The following SGCZ variants were observed in gnomAD, a reference collection of about 807,000 sequenced individuals.
The protein encoded by SGCZ is zeta-sarcoglycan.
A neutral mutation model predicts 41.3 loss-of-function variants in SGCZ; 40 were observed. The ratio of observed to expected loss-of-function variants is 0.97; its 90% CI spans 0.75 to 1.26. The LOEUF is 1.26. Ranked by LOEUF, SGCZ falls within the 50% of genes most tolerant of loss-of-function variation. The pLI is 0.00. For missense variants in SGCZ, 552 were observed against 369.8 expected (o/e 1.49, Z -4.04); for synonymous variants, 206 against 137.5 (o/e 1.50, Z -3.49).
At chr8:14,594,029 G>C (rs916060243) in intron 1 of SGCZ, among the ~76,000 whole-genome samples, 2 of 151,886 alleles carry the variant, frequency 1.3e-5, no homozygotes, top group Non-Finnish European at 2.9e-5. Context: ...ACAAAAATTA[G>C]CCAGGCGTGG....
intron 1 of SGCZ, among the ~76,000 whole-genome samples, chr8:15,100,458 C>G (rs1806562666): frequency 6.6e-6 from 1 of 152,050 alleles, no homozygotes; most frequent in South Asian, 2.1e-4. Flanking sequence ...CAAAGAATAT[C>G]TAAATAAATA....
chr8:15,102,780 C>T (rs139258447), intron 1 of SGCZ, among the ~76,000 whole-genome samples: 108 of 152,208 alleles, frequency 7.1e-4, no homozygotes, highest in African/African-American at 2.6e-3. Flanking sequence ...TTAAAGTGAA[C>T]ATTATTTATA....
At chr8:14,153,992 G>A (rs1394119162) in intron 5 of SGCZ, among the ~76,000 whole-genome samples, 1 of 152,002 alleles carries the variant, frequency 6.6e-6, no homozygotes, top group Non-Finnish European at 1.5e-5. Context: ...CAAGGCAGCT[G>A]TCTGCAAGCT....
At chr8:14,622,086 T>C (rs546832949) in intron 1 of SGCZ, among the ~76,000 whole-genome samples, 5 of 152,150 alleles carry the variant, frequency 3.3e-5, no homozygotes, top group African/African-American at 1.2e-4. Context: ...TAAGTTTGTA[T>C]AGGTAGAAAA....
intron 1 of SGCZ, among the ~76,000 whole-genome samples, chr8:14,672,331 C>A (rs1585171037): frequency 6.6e-6 from 1 of 152,144 alleles, no homozygotes; most frequent in East Asian, 1.9e-4. Flanking sequence ...TAGCGGAAAA[C>A]CAGCTGTAAA....
intron 1 of SGCZ, among the ~76,000 whole-genome samples, chr8:14,674,048 G>A (rs1808194884): frequency 1.3e-5 from 2 of 151,986 alleles, no homozygotes; most frequent in Non-Finnish European, 2.9e-5. Flanking sequence ...GATGAAGTTC[G>A]ATGAATAAAT....
intron 1 of SGCZ, among the ~76,000 whole-genome samples, chr8:14,860,457 A>G: frequency 6.6e-6 from 1 of 150,888 alleles, no homozygotes; most frequent in East Asian, 2.0e-4. Context: ...AGAGAGAAGG[A>G]AAGAGAAGAG....
intron 2 of SGCZ, among the ~76,000 whole-genome samples, chr8:14,456,638 G>T (rs1800753154): frequency 6.6e-6 from 1 of 152,032 alleles, no homozygotes; most frequent in Non-Finnish European, 1.5e-5. Context: ...TGAAAAGAAA[G>T]GGAGAAATGA....
At chr8:15,017,480 A>G in intron 1 of SGCZ, among the ~76,000 whole-genome samples, 1 of 152,122 alleles carries the variant, frequency 6.6e-6, no homozygotes, top group East Asian at 1.9e-4. Context: ...ATTGCATACC[A>G]TAGGTCCAAA....
chr8:15,188,736 T>C (rs959301175), intron 1 of SGCZ, among the ~76,000 whole-genome samples: 1 of 152,194 alleles, frequency 6.6e-6, no homozygotes, highest in Non-Finnish European at 1.5e-5. Flanking sequence ...TAAATACACA[T>C]GCTGCAATTA....
chr8:14,567,226 C>T (rs563981457), intron 1 of SGCZ, among the ~76,000 whole-genome samples: 2 of 152,336 alleles, frequency 1.3e-5, no homozygotes, highest in South Asian at 4.1e-4. Flanking sequence ...AGTGCAGGCG[C>T]ACGGCTTGGG....
At position 14,565,632 on chromosome 8, in the gene SGCZ, G is replaced by A. The variant is rs527501237; in HGVS notation, c.40-10706C>T. ...AAACAAATTGGCCAGAAACGCAGCA[G>A]GAGAGCTTAACTGGGCAAGCAGAAA... On this transcript the variant is annotated intron_variant, in intron 1 of 7. Coordinates refer to ENST00000382080, the MANE Select transcript of SGCZ (RefSeq NM_139167.4). Among the ~76,000 whole-genome samples the A allele has an allele frequency of 3.9e-5, 6 of 152,206 alleles. No individual in the cohort carries two copies. In the South Asian group the frequency reaches 1.2e-3, roughly 32 times the overall value.
chr8:14,961,169 G>C (rs941267868), intron 1 of SGCZ, among the ~76,000 whole-genome samples: 2 of 152,042 alleles, frequency 1.3e-5, no homozygotes, highest in Non-Finnish European at 2.9e-5. Context: ...CTGCTAATGA[G>C]CTTAAACAAT....
At chr8:14,136,812 T>C (rs907191444) in intron 5 of SGCZ, among the ~76,000 whole-genome samples, 1 of 152,178 alleles carries the variant, frequency 6.6e-6, no homozygotes, top group South Asian at 2.1e-4. Context: ...TCTCCCACCA[T>C]GGAGTTTGAG....
rs1198736454 is a variant in SGCZ at position 14,494,812 on chromosome 8, G to A, written c.234+59920C>T. On this transcript the variant is annotated intron_variant, in intron 2 of 7. Transcript: ENST00000382080. Reference sequence around the variant, plus strand: ...TAGCTGGTTTTTGCAGTAGCCTGCAGTGGCTGTCTGATAGACATAAACCTT... The same window carrying A: ...TAGCTGGTTTTTGCAGTAGCCTGCAATGGCTGTCTGATAGACATAAACCTT... 2.0e-5 allele frequency among the ~76,000 whole-genome samples: 3 copies of A among 152,186 alleles called. No homozygotes were observed. In the East Asian group the frequency reaches 5.8e-4, roughly 29 times the overall value.
At chr8:14,240,387 C>T (rs1233032999) in intron 3 of SGCZ, among the ~76,000 whole-genome samples, 2 of 149,694 alleles carry the variant, frequency 1.3e-5, no homozygotes, top group African/African-American at 2.5e-5. Flanking sequence ...AATCATTCCG[C>T]ATCTTTGTTT....
chr8:14,250,843 C>T (rs1036446910), intron 3 of SGCZ, among the ~76,000 whole-genome samples: 1 of 152,164 alleles, frequency 6.6e-6, no homozygotes, highest in African/African-American at 2.4e-5. Context: ...CTTAAGTTGG[C>T]TCCATACTCC....
chr8:14,661,130 T>C (rs1169022998), intron 1 of SGCZ, among the ~76,000 whole-genome samples: 6 of 152,154 alleles, frequency 3.9e-5, no homozygotes. Flanking sequence ...GGAAACATCA[T>C]ACATAAGCTA....
At chr8:14,846,373 A>T (rs1803100835) in intron 1 of SGCZ, among the ~76,000 whole-genome samples, 1 of 152,130 alleles carries the variant, frequency 6.6e-6, no homozygotes, top group African/African-American at 2.4e-5. Context: ...CTTAATATAT[A>T]CAATTAAAAA....
Sources: gnomAD v4.1 joint callset for allele counts (sites outside exome capture counted in the v4.1 genomes callset) on GRCh38, gnomAD v4.1.1 for gene constraint, MANE v1.5 for transcripts, NCBI Gene and HGNC (gene_info 2026-07-23, HGNC 2026-07-21) for gene names.